Variants in EDARADD observed in about 807,000 individuals in gnomAD.
The protein encoded by EDARADD is ectodysplasin-A receptor-associated adapter protein.
A neutral mutation model predicts 25.6 loss-of-function variants in EDARADD; 20 were observed. The observed-to-expected ratio is 0.78, with a 90% CI of 0.55 to 1.14. The LOEUF is 1.14. Among genes scored for constraint, EDARADD ranks in the 50% most tolerant of loss-of-function variants. The pLI is 0.00. For missense variants in EDARADD, 225 were observed against 270.1 expected, an observed-to-expected ratio of 0.83 and a Z score of 1.17; for synonymous variants, 86 against 94.4, an observed-to-expected ratio of 0.91 and a Z score of 0.52.
intron 3 of EDARADD, among the ~76,000 whole-genome samples, chr1:236,362,049 C>A (rs958458524): frequency 2.0e-5 from 3 of 151,914 alleles, no homozygotes; most frequent in Admixed American, 2.0e-4. Flanking sequence ...GTCCCAGTTG[C>A]TCCAATATTT....
chr1:236,374,460 AG>A (rs1667202723), intron 3 of EDARADD, among the ~76,000 whole-genome samples: 1 of 151,880 alleles, frequency 6.6e-6, no homozygotes, highest in South Asian at 2.1e-4. Context: ...GTAGAGACAA[AG>A]TCTTGCCACG....
At chr1:236,409,121 C>G in intron 1 of EDARADD, 95 bp from the exon 2 acceptor site, 1 of 562,148 alleles carries the variant, frequency 1.8e-6, no homozygotes, top group Non-Finnish European at 3.0e-6. Flanking sequence ...AGTAAAATTA[C>G]TTGCCTCTGT....
rs1411210508 is a variant in EDARADD, at chr1:236,398,834, T to C, written c.61+4329T>C. On this transcript the variant is annotated intron_variant, in intron 1 of 5. Coordinates refer to ENST00000334232, the MANE Select transcript of EDARADD (RefSeq NM_145861.4). This position sits in a 1 kb window ranked among gnomAD's most constrained non-coding sequence, Gnocchi z 4.1. Reference sequence around the variant, plus strand: ...CACCTGTCACAATTTCTAGCTGTGATTATTTGGCCACCGTGGCTATTTCCA... The same window carrying C: ...CACCTGTCACAATTTCTAGCTGTGACTATTTGGCCACCGTGGCTATTTCCA... Among the ~76,000 whole-genome samples, 2 of 152,228 alleles carry C rather than the reference T, an allele frequency of 1.3e-5. No homozygotes were observed. Among genetic ancestry groups the C allele is most frequent in the Non-Finnish European group, 2.9e-5 (2 of 68,044 alleles).
chr1:236,358,753 A>G (rs1241335475), intron 3 of EDARADD, among the ~76,000 whole-genome samples: 1 of 152,100 alleles, frequency 6.6e-6, no homozygotes, highest in African/African-American at 2.4e-5. Context: ...TTATGATTTC[A>G]GTTATTTTGC....
chr1:236,449,101 C>A (rs1571941700), intron 4 of EDARADD, among the ~76,000 whole-genome samples: 1 of 152,130 alleles, frequency 6.6e-6, no homozygotes, highest in South Asian at 2.1e-4. Context: ...TTTGCTGGCA[C>A]TTTTTGGCAT....
chr1:236,399,942 C>A (rs1667586289), intron 1 of EDARADD, among the ~76,000 whole-genome samples: 1 of 152,232 alleles, frequency 6.6e-6, no homozygotes, highest in South Asian at 2.1e-4. Context: ...CTCCTGTGGG[C>A]TTCAATGGGT....
chr1:236,356,048 A>G lies in EDARADD; in HGVS notation c.-6+5209A>G, dbSNP rs187088835. 9.2e-5 allele frequency among the ~76,000 whole-genome samples: 14 copies of G among 152,336 alleles called. No individual in the cohort carries two copies. In the East Asian group the frequency reaches 1.5e-3, roughly 17 times the overall value. On this transcript the variant is annotated intron_variant, in intron 3 of 7. Transcript: ENST00000439430. ...AAACTCATCAGTGTCTGCCTGCAGC[A>G]TCTTATCAGACTCCTGAGACTGGAT... is the stretch of plus-strand genomic sequence containing the variant.
intron 4 of EDARADD, among the ~76,000 whole-genome samples, chr1:236,455,982 A>G (rs55760353): frequency 0.21 from 31,530 of 152,046 alleles, 3,464 homozygotes; most frequent in African/African-American, 0.25. Context: ...GTAGAGATGG[A>G]GTTTCACCAT....
intron 4 of EDARADD, among the ~76,000 whole-genome samples, chr1:236,434,182 C>T (rs371933750): frequency 6.6e-6 from 1 of 152,174 alleles, no homozygotes; most frequent in African/African-American, 2.4e-5. Flanking sequence ...TGGCCCAGGA[C>T]AGCTTAGAAC....
intron 5 of EDARADD, among the ~76,000 whole-genome samples, chr1:236,471,074 C>G (rs1328617033): frequency 6.6e-6 from 1 of 152,184 alleles, no homozygotes; most frequent in Non-Finnish European, 1.5e-5. Flanking sequence ...TGAGAGTTTG[C>G]TTGTTTTTTT....
intron 4 of EDARADD, among the ~76,000 whole-genome samples, chr1:236,437,191 T>C (rs1258999704): frequency 6.6e-6 from 1 of 152,144 alleles, no homozygotes. Flanking sequence ...CACATATCCC[T>C]AAAGGCAAAA....
At chr1:236,474,075 G>A (rs1169472956) in intron 5 of EDARADD, among the ~76,000 whole-genome samples, 1 of 152,078 alleles carries the variant, frequency 6.6e-6, no homozygotes, top group Non-Finnish European at 1.5e-5. Context: ...GTTCCTAGAG[G>A]TTCAATGCCC....
At chr1:236,375,342 G>A (rs1318332351) in intron 3 of EDARADD, among the ~76,000 whole-genome samples, 2 of 151,990 alleles carry the variant, frequency 1.3e-5, no homozygotes, top group Non-Finnish European at 2.9e-5. Flanking sequence ...AACTGTTATT[G>A]TTAGTTAAAT....
intron 5 of EDARADD, among the ~76,000 whole-genome samples, chr1:236,476,814 C>T (rs1659521317): frequency 6.6e-6 from 1 of 152,032 alleles, no homozygotes; most frequent in Non-Finnish European, 1.5e-5. Context: ...CGTGAGCCAC[C>T]TTGCCCAGCC....
intron 1 of EDARADD, among the ~76,000 whole-genome samples, chr1:236,407,274 G>T (rs753122225): frequency 1.2e-4 from 18 of 152,198 alleles, no homozygotes; most frequent in Non-Finnish European, 2.1e-4. Flanking sequence ...GGGTTAGGCT[G>T]CTCTGTGCTG....
chr1:236,449,616 A>G (rs1049683433), intron 4 of EDARADD, among the ~76,000 whole-genome samples: 6 of 152,200 alleles, frequency 3.9e-5, no homozygotes, highest in African/African-American at 1.4e-4. Context: ...GGTTATACTT[A>G]CATCTTTTCC....
intron 3 of EDARADD, among the ~76,000 whole-genome samples, chr1:236,360,487 G>A (rs778474027): frequency 2.6e-5 from 4 of 151,070 alleles, no homozygotes; most frequent in Non-Finnish European, 4.4e-5. Context: ...GATCTATCAG[G>A]TAAATAGAAG....
intron 3 of EDARADD, among the ~76,000 whole-genome samples, chr1:236,377,237 C>T (rs1369040240): frequency 2.0e-5 from 3 of 151,280 alleles, no homozygotes; most frequent in Non-Finnish European, 4.4e-5. Context: ...TTCACTGCAA[C>T]CTCCACCTCC....
intron 1 of EDARADD, among the ~76,000 whole-genome samples, chr1:236,401,469 G>A (rs911168484): frequency 7.9e-5 from 12 of 152,270 alleles, no homozygotes; most frequent in Admixed American, 3.9e-4. Flanking sequence ...TGCAGTCCTC[G>A]GCCGCCCCAC....
Sources: allele counts gnomAD v4.1 joint callset (sites outside exome capture counted in the v4.1 genomes callset), GRCh38; gene constraint gnomAD v4.1.1; non-coding constraint Gnocchi (gnomAD v3.1); transcripts MANE v1.5; gene names NCBI Gene and HGNC (gene_info 2026-07-23, HGNC 2026-07-21).